DPYD: variants seen among roughly 807,000 people sequenced by gnomAD.
DPYD encodes the protein dihydropyrimidine dehydrogenase, also known as dihydropyrimidine dehydrogenase [NADP(+)].
In DPYD, 109 loss-of-function variants were observed where a neutral mutation model predicts 116.2. The observed-to-expected ratio is 0.94, with a 90% confidence interval of 0.80 to 1.10. The LOEUF (loss-of-function observed/expected upper bound fraction) is 1.10. Among genes scored for constraint, DPYD ranks in the 50% least tolerant of loss-of-function variants. The pLI, the probability that DPYD is intolerant of heterozygous loss-of-function variation, is 0.00. For missense variants in DPYD, 1,302 were observed against 1,254.5 expected (o/e 1.04, Z -0.57); for synonymous variants, 440 against 432.0 (o/e 1.02, Z -0.23).
chr1:97,229,385 T>G (rs1319095486), intron 19 of DPYD, among the ~76,000 whole-genome samples: 3 of 150,000 alleles, frequency 2.0e-5, no homozygotes, highest in African/African-American at 7.3e-5. Flanking sequence ...AGCTTAAAAC[T>G]ATACTGAACG....
At chr1:97,668,387 A>C (rs938090098) in intron 8 of DPYD, among the ~76,000 whole-genome samples, 10 of 152,124 alleles carry the variant, frequency 6.6e-5, no homozygotes, top group Non-Finnish European at 1.3e-4. Flanking sequence ...AGATATGAAT[A>C]ATACCAATCC....
At chr1:97,751,446 GTGTGTGTGTGTGTGTATATATATATATA>G (rs1317183227) in intron 3 of DPYD, among the ~76,000 whole-genome samples, 13 of 42,950 alleles carry the variant, frequency 3.0e-4, no homozygotes, top group African/African-American at 9.0e-4. Context: ...GTGTGTGTGT[GTGTGTGTGTGTGTGTATATATATATATA>G]TATATATATA....
At chr1:97,851,669 C>T (rs1019242290) in intron 2 of DPYD, among the ~76,000 whole-genome samples, 1 of 149,810 alleles carries the variant, frequency 6.7e-6, no homozygotes, top group African/African-American at 2.5e-5. Context: ...ACCAGGCCAA[C>T]TTTTGAAATT....
Position 97,920,897 on chromosome 1 carries a change from G to A in DPYD, c.26C>T (p.Ser9Leu). Residue 9 changes from serine (S) to leucine (L), a missense_variant, in exon 1 of 23, where the codon TCG becomes TTG. Physicochemically the swap from Ser to Leu is moderately radical, Grantham distance 145 (BLOSUM62 -2). Transcript: ENST00000370192. ...CGAAGTCCGTACCTCGATGTCCGCC[G>A]AGTCCTTACTGAGCACAGGGGCCAT... is the stretch of plus-strand genomic sequence containing the variant. MAPVLSKD[S>L]ADIESILALN... 2.5e-6 allele frequency: 4 copies of A among 1,593,904 alleles called. No individual in the cohort carries two copies. The highest frequency in any genetic ancestry group is 1.3e-5 in the African/African-American group (1 of 74,206).
chr1:97,892,874 T>C (rs1672846966), intron 1 of DPYD, among the ~76,000 whole-genome samples: 1 of 151,868 alleles, frequency 6.6e-6, no homozygotes, highest in Non-Finnish European at 1.5e-5. Context: ...GCAATATGCA[T>C]AGTGTTTGAG....
intron 20 of DPYD, among the ~76,000 whole-genome samples, chr1:97,132,045 T>C (rs1354665455): frequency 6.6e-6 from 1 of 152,074 alleles, no homozygotes. Flanking sequence ...AACTAAAAAT[T>C]TGAAGAATAT....
intron 20 of DPYD, among the ~76,000 whole-genome samples, chr1:97,134,212 A>G (rs1263242144): frequency 6.6e-6 from 1 of 151,488 alleles, no homozygotes; most frequent in Admixed American, 6.6e-5. Context: ...ATAAGTTTTC[A>G]AAAAATGGGA....
chr1:97,201,037 C>A (rs566852978), intron 19 of DPYD, among the ~76,000 whole-genome samples: 1 of 152,258 alleles, frequency 6.6e-6, no homozygotes, highest in African/African-American at 2.4e-5. Context: ...CTGACCTCTG[C>A]AGAGCTTTTT....
intron 2 of DPYD, among the ~76,000 whole-genome samples, chr1:97,860,113 C>T (rs1461789913): frequency 6.6e-6 from 1 of 152,052 alleles, no homozygotes; most frequent in Non-Finnish European, 1.5e-5. Context: ...GAGGCCAAGG[C>T]AGGCCGATCA....
intron 20 of DPYD, among the ~76,000 whole-genome samples, chr1:97,167,049 AG>A (rs1656378031): frequency 1.3e-5 from 2 of 152,170 alleles, no homozygotes; most frequent in Admixed American, 6.6e-5. Flanking sequence ...GCCAAAGTTT[AG>A]ATTTATAAAA....
At chr1:97,711,303 T>C (rs930873961) in intron 5 of DPYD, among the ~76,000 whole-genome samples, 2 of 151,876 alleles carry the variant, frequency 1.3e-5, no homozygotes, top group African/African-American at 2.4e-5. Flanking sequence ...AAGAAACTTA[T>C]CCAAAATCAT....
At chr1:97,456,443 T>A (rs541142264) in intron 13 of DPYD, among the ~76,000 whole-genome samples, 3 of 152,204 alleles carry the variant, frequency 2.0e-5, no homozygotes, top group African/African-American at 7.2e-5. Flanking sequence ...CACAGAGGGC[T>A]TTCTCTGTCT....
At chr1:97,124,306 CCTAA>C (rs1652669838) in intron 20 of DPYD, among the ~76,000 whole-genome samples, 1 of 151,986 alleles carries the variant, frequency 6.6e-6, no homozygotes, top group African/African-American at 2.4e-5. Context: ...AAATAATTCT[CCTAA>C]CTCTTAGGTT....
At chr1:97,786,873 A>G (rs941679909) in intron 3 of DPYD, among the ~76,000 whole-genome samples, 2 of 152,220 alleles carry the variant, frequency 1.3e-5, no homozygotes, top group African/African-American at 4.8e-5. Flanking sequence ...TGGAAATAAA[A>G]AGCTAATTAT....
At chr1:97,721,205 T>C (rs1662905250) in intron 5 of DPYD, among the ~76,000 whole-genome samples, 1 of 151,770 alleles carries the variant, frequency 6.6e-6, no homozygotes, top group Non-Finnish European at 1.5e-5. Flanking sequence ...GAGGGTCTCC[T>C]TGCCATACTT....
At chr1:97,267,006 T>C (rs1222626456) in intron 18 of DPYD, among the ~76,000 whole-genome samples, 1 of 152,178 alleles carries the variant, frequency 6.6e-6, no homozygotes, top group African/African-American at 2.4e-5. Context: ...GCATGTGTCT[T>C]TATAGTAACA....
intron 3 of DPYD, among the ~76,000 whole-genome samples, chr1:97,765,175 T>C (rs896895892): frequency 6.6e-6 from 1 of 152,208 alleles, no homozygotes; most frequent in African/African-American, 2.4e-5. Context: ...GCCTTCACTC[T>C]TGAGTTTTAC....
Position 97,078,668 on chromosome 1 carries a change from C to T in DPYD, c.*308G>A, listed in dbSNP as rs111295312. 7.9e-6 allele frequency: 3 copies of T among 378,330 alleles called. No individual in the cohort carries two copies. Among genetic ancestry groups the T allele is most frequent in the African/African-American group, 2.1e-5 (1 of 48,158 alleles). The allele number at this position is 378,330 out of a possible 1,614,324, so 23.4% of individuals were successfully genotyped here. Reference sequence around the variant, plus strand: ...GCATAGGGCAATTTGGAAACTGTCACACTAATTGCCACAAAAAAGTTAATT... The same window carrying T: ...GCATAGGGCAATTTGGAAACTGTCATACTAATTGCCACAAAAAAGTTAATT... On this transcript the variant is annotated 3_prime_UTR_variant, in exon 23 of 23. Coordinates refer to ENST00000370192, the MANE Select transcript of DPYD (RefSeq NM_000110.4).
intron 19 of DPYD, among the ~76,000 whole-genome samples, chr1:97,206,641 TATATATATATATATATA>T: frequency 7.6e-5 from 1 of 13,128 alleles, no homozygotes; most frequent in African/African-American, 8.8e-4. Context: ...GGAGATTTTA[TATATATATATATATATA>T]TATATATATA....
Sources: gnomAD v4.1 joint callset for allele counts (sites outside exome capture counted in the v4.1 genomes callset) on GRCh38, gnomAD v4.1.1 for gene constraint, MANE v1.5 for transcripts, NCBI Gene and HGNC (gene_info 2026-07-23, HGNC 2026-07-21) for gene names.